The following TTC29 variants were observed in gnomAD, a reference collection of about 807,000 sequenced individuals.
The protein encoded by TTC29 is tetratricopeptide repeat protein 29.
TTC29 carries 49 observed loss-of-function variants against 58.1 expected under a neutral mutation model. That is an observed-to-expected ratio of 0.84 (90% CI 0.67 to 1.07). The LOEUF is 1.07. Ranked by LOEUF, TTC29 falls within the 50% of genes least tolerant of loss-of-function variation. TTC29 has a pLI of 0.00. For missense variants in TTC29, 582 were observed against 555.6 expected, an observed-to-expected ratio of 1.05 and a Z score of -0.48; for synonymous variants, 209 against 196.8, an observed-to-expected ratio of 1.06 and a Z score of -0.52.
At chr4:146,835,398 CT>C in intron 8 of TTC29, among the ~76,000 whole-genome samples, 1 of 152,208 alleles carries the variant, frequency 6.6e-6, no homozygotes, top group South Asian at 2.1e-4. Flanking sequence ...TATAAGAGAT[CT>C]TTTGGAATCC....
At chr4:146,753,495 G>A (rs1195094251) in intron 11 of TTC29, among the ~76,000 whole-genome samples, 3 of 152,150 alleles carry the variant, frequency 2.0e-5, no homozygotes, top group East Asian at 1.9e-4. Context: ...TCGGTGTGGC[G>A]ATTCCTCAGG....
intron 10 of TTC29, among the ~76,000 whole-genome samples, chr4:146,814,354 G>A (rs1751237208): frequency 6.6e-6 from 1 of 150,472 alleles, no homozygotes; most frequent in Admixed American, 6.6e-5. Flanking sequence ...GGCTGAAGCA[G>A]GAGAATCCTT....
chr4:146,893,848 C>T (rs141547815), intron 6 of TTC29, among the ~76,000 whole-genome samples: 35,113 of 151,814 alleles, frequency 0.23, 4,350 homozygotes, highest in Admixed American at 0.31. Flanking sequence ...AAAAAAACAA[C>T]CCCATCAAAA....
chr4:146,780,301 G>C (rs1748485444), intron 11 of TTC29, among the ~76,000 whole-genome samples: 1 of 118,200 alleles, frequency 8.5e-6, no homozygotes, highest in Admixed American at 9.5e-5. Flanking sequence ...TCCTAACTTG[G>C]GGTGTGTGTG....
chr4:146,783,841 A>T (rs1181749923), intron 11 of TTC29, among the ~76,000 whole-genome samples: 1 of 152,116 alleles, frequency 6.6e-6, no homozygotes, highest in Non-Finnish European at 1.5e-5. Context: ...AACAAATGTT[A>T]TGTTAATTAT....
At chr4:146,847,670 G>A (rs1444762312) in intron 8 of TTC29, among the ~76,000 whole-genome samples, 2 of 152,148 alleles carry the variant, frequency 1.3e-5, no homozygotes, top group East Asian at 3.8e-4. Flanking sequence ...GGAGAAGGGA[G>A]GCTGCTGAAG....
At chr4:146,784,448 A>G (rs548754255) in intron 11 of TTC29, among the ~76,000 whole-genome samples, 1 of 152,202 alleles carries the variant, frequency 6.6e-6, no homozygotes, top group South Asian at 2.1e-4. Context: ...GTGTCCCCTT[A>G]AAATTCCTAT....
intron 11 of TTC29, among the ~76,000 whole-genome samples, chr4:146,745,051 C>A (rs1221847417): frequency 6.6e-6 from 1 of 152,074 alleles, no homozygotes; most frequent in Non-Finnish European, 1.5e-5. Flanking sequence ...AACATCAACA[C>A]CCAGATGCCT....
chr4:146,707,067 TA>T lies in TTC29; in HGVS notation c.*90del. 1.0e-6 allele frequency: 1 copy of T among 954,980 alleles called. No homozygotes were observed. Among genetic ancestry groups the T allele is most frequent in the African/African-American group, 1.7e-5 (1 of 58,824 alleles). 59.2% of individuals were successfully genotyped at this position (954,980 alleles called of 1,614,324 possible). A position where few individuals can be genotyped will look rare whatever the true frequency, so the allele number is the denominator to read the frequency against. On this transcript the variant is annotated 3_prime_UTR_variant, in exon 13 of 13. Coordinates refer to ENST00000325106, the MANE Select transcript of TTC29 (RefSeq NM_031956.4). ...CATAGTCCGTTTTATTATAACTCTA[TA>T]TTATCTGTAACATGCTCCTATTACA... is the stretch of plus-strand genomic sequence containing the variant.
intron 11 of TTC29, among the ~76,000 whole-genome samples, chr4:146,723,752 A>C (rs1360016361): frequency 6.6e-6 from 1 of 152,234 alleles, no homozygotes; most frequent in East Asian, 1.9e-4. Flanking sequence ...CCTGTGGAGA[A>C]AAGGGAATGC....
intron 11 of TTC29, among the ~76,000 whole-genome samples, chr4:146,771,199 A>C (rs557455358): frequency 5.3e-5 from 8 of 152,172 alleles, no homozygotes; most frequent in African/African-American, 1.9e-4. Context: ...TGTGGACTTT[A>C]GTTGTCAGTT....
chr4:146,824,920 T>C (rs1227129550), intron 9 of TTC29, among the ~76,000 whole-genome samples: 2 of 152,204 alleles, frequency 1.3e-5, no homozygotes, highest in African/African-American at 2.4e-5. Flanking sequence ...TGTTAGTAGT[T>C]TGTATTTCTG....
chr4:146,728,838 C>T (rs181666239), intron 11 of TTC29, among the ~76,000 whole-genome samples: 5,162 of 89,216 alleles, frequency 0.058, 848 homozygotes, highest in East Asian at 0.19. Flanking sequence ...TATATATACA[C>T]ATATATATGT....
chr4:146,785,984 TACACACAC>T (rs149100538), intron 11 of TTC29, among the ~76,000 whole-genome samples: 2 of 149,302 alleles, frequency 1.3e-5, no homozygotes, highest in African/African-American at 4.9e-5. Context: ...TATATATGTG[TACACACAC>T]ACACACACAC....
intron 4 of TTC29, among the ~76,000 whole-genome samples, chr4:146,930,930 A>G (rs866833312): frequency 6.6e-6 from 1 of 152,226 alleles, no homozygotes; most frequent in Non-Finnish European, 1.5e-5. Context: ...TGCATTTTGC[A>G]CTGTGGTTTA....
At chr4:146,877,643 C>T (rs1218657592) in intron 6 of TTC29, among the ~76,000 whole-genome samples, 2 of 152,032 alleles carry the variant, frequency 1.3e-5, no homozygotes, top group African/African-American at 2.4e-5. Flanking sequence ...AAGTATAGCA[C>T]TGTAGCCCTG....
chr4:146,820,316 T>C, intron 9 of TTC29, 68 bp from the exon 10 acceptor site: 2 of 1,526,784 alleles, frequency 1.3e-6, no homozygotes, highest in Non-Finnish European at 1.8e-6. Flanking sequence ...AGAGGAAGTA[T>C]CTTGTGTCTT....
intron 8 of TTC29, among the ~76,000 whole-genome samples, chr4:146,835,773 T>C (rs1235751457): frequency 6.6e-6 from 1 of 152,130 alleles, no homozygotes; most frequent in Admixed American, 6.6e-5. Context: ...CTGAAGCACA[T>C]GGCAACAATC....
intron 6 of TTC29, among the ~76,000 whole-genome samples, chr4:146,882,435 G>C (rs1731690825): frequency 6.6e-6 from 1 of 152,094 alleles, no homozygotes. Flanking sequence ...AACTTGTATA[G>C]TTGGTAGTCG....
Sources: gnomAD v4.1 joint callset for allele counts (sites outside exome capture counted in the v4.1 genomes callset) on GRCh38, gnomAD v4.1.1 for gene constraint, MANE v1.5 for transcripts, NCBI Gene and HGNC (gene_info 2026-07-23, HGNC 2026-07-21) for gene names.